Variants in CD274 observed in about 807,000 individuals in gnomAD.
The protein encoded by CD274 is CD274 molecule.
CD274 carries 8 observed loss-of-function variants against 30.1 expected under a neutral mutation model. The ratio of observed to expected loss-of-function variants is 0.27; its 90% CI spans 0.16 to 0.48. The LOEUF is 0.48. Ranked by LOEUF, CD274 falls within the 20% of genes least tolerant of loss-of-function variation. The probability of loss-of-function intolerance (pLI) is 0.99; values close to 1 mark genes in which losing one functional copy is unlikely to be tolerated. For missense variants in CD274, 353 were observed against 346.6 expected, an observed-to-expected ratio of 1.02 and a Z score of -0.15; for synonymous variants, 152 against 124.6, an observed-to-expected ratio of 1.22 and a Z score of -1.46.
intron 3 of CD274, among the ~76,000 whole-genome samples, chr9:5,461,414 G>T (rs75851586): frequency 0.089 from 13,566 of 152,124 alleles, 646 homozygotes; most frequent in Middle Eastern, 0.13. Flanking sequence ...TATTATTTTT[G>T]TGTTTTGAAA....
intron 4 of CD274, among the ~76,000 whole-genome samples, chr9:5,464,213 G>C (rs1225469634): frequency 1.3e-5 from 2 of 152,168 alleles, no homozygotes; most frequent in Middle Eastern, 3.4e-3. Flanking sequence ...TAGATTAGTG[G>C]GTTCCTGCCA....
chr9:5,456,272 A>C, intron 2 of CD274, 107 bp downstream of exon 2: 1 of 712,186 alleles, frequency 1.4e-6, no homozygotes, highest in South Asian at 1.7e-5. Flanking sequence ...TATAGAGAGA[A>C]CATTCTATTC....
Position 5,469,835 on chromosome 9 carries a change from A to T in CD274, c.*1973A>T. ...TCTAGTCCTAAAAAGCAATCTTATT[A>T]TTAACTCTGTATGACAGAATCATGT... On this transcript the variant is annotated 3_prime_UTR_variant, in exon 7 of 7. Transcript: ENST00000381577. 1 of 233,070 alleles carries T rather than the reference A, an allele frequency of 4.3e-6. No individual in the cohort carries two copies. The highest frequency in any genetic ancestry group is 8.5e-6 in the Non-Finnish European group (1 of 117,942). The allele number at this position is 233,070 out of a possible 1,614,324, so 14.4% of individuals were successfully genotyped here. A position where few individuals can be genotyped will look rare whatever the true frequency, so the allele number is the denominator to read the frequency against.
chr9:5,466,522 T>C (rs1310012126), intron 5 of CD274, among the ~76,000 whole-genome samples: 2 of 152,070 alleles, frequency 1.3e-5, no homozygotes, highest in Non-Finnish European at 2.9e-5. Context: ...TACCTCAGAA[T>C]TTGGTTCATC....
chr9:5,469,051 A>G lies in CD274; in HGVS notation c.*1189A>G, dbSNP rs1819544023. The G allele has an allele frequency of 4.3e-6, 1 of 233,054 alleles. No individual in the cohort carries two copies. The highest frequency in any genetic ancestry group is 8.5e-6 in the Non-Finnish European group (1 of 117,968). 14.4% of individuals were successfully genotyped at this position (233,054 alleles called of 1,614,324 possible). On this transcript the variant is annotated 3_prime_UTR_variant, in exon 7 of 7. Coordinates refer to ENST00000381577, the MANE Select transcript of CD274 (RefSeq NM_014143.4). ...GATGATGCGAGGGGAAAACCCGAGC[A>G]GTGTTGCCAAGAGGAGGAAATAGGC... is the stretch of plus-strand genomic sequence containing the variant.
intron 3 of CD274, among the ~76,000 whole-genome samples, chr9:5,461,956 A>G (rs1819411147): frequency 6.6e-6 from 1 of 152,174 alleles, no homozygotes; most frequent in African/African-American, 2.4e-5. Context: ...AACTGGAGGA[A>G]TGGAATAAAT....
intron 5 of CD274, 25 bp downstream of exon 5, chr9:5,465,631 T>A (rs1482315802): frequency 2.3e-6 from 3 of 1,311,922 alleles, no homozygotes; most frequent in Non-Finnish European, 3.3e-6. Flanking sequence ...ATTGCAGTGG[T>A]CTCCACTGGG....
At position 5,470,456 on chromosome 9, in the gene CD274, T is replaced by A. The variant is rs186306440; in HGVS notation, c.*2594T>A. ...TTGTCACTTTTTGTACCTGCATTAATTTAATAAAATATTCTTATTTATTTT... is the reference window on the plus strand; with the variant it reads ...TTGTCACTTTTTGTACCTGCATTAAATTAATAAAATATTCTTATTTATTTT... On this transcript the variant is annotated 3_prime_UTR_variant, in exon 7 of 7. Coordinates refer to ENST00000381577, the MANE Select transcript of CD274 (RefSeq NM_014143.4). 4.4e-6 allele frequency: 1 copy of A among 225,544 alleles called. No homozygotes were observed. Among genetic ancestry groups the A allele is most frequent in the Non-Finnish European group, 8.8e-6 (1 of 113,252 alleles). 14.0% of individuals were successfully genotyped at this position (225,544 alleles called of 1,614,324 possible).
intron 6 of CD274, among the ~76,000 whole-genome samples, 153 bp downstream of exon 6, chr9:5,466,982 G>A (rs941357750): frequency 5.9e-5 from 9 of 152,132 alleles, no homozygotes; most frequent in South Asian, 4.2e-4. Context: ...CTCCTCCACC[G>A]TCTGAGGAGG....
At chr9:5,465,018 C>T (rs1041063270) in intron 4 of CD274, among the ~76,000 whole-genome samples, 3 of 147,966 alleles carry the variant, frequency 2.0e-5, no homozygotes, top group Admixed American at 6.9e-5. Context: ...ACCTGGGAGG[C>T]GGAAGTTGCA....
At position 5,465,559 on chromosome 9, in the gene CD274, T is replaced by C. The variant is rs1819484130; in HGVS notation, c.743T>C (p.Leu248Ser). ...CACTTGGTAATTCTGGGAGCCATCT[T>C]ATTATGCCTTGGTGTAGCACTGACA... is the stretch of plus-strand genomic sequence containing the variant. ...RTHLVILGAI[L>S]LCLGVALTFI... Residue 248 changes from leucine (L) to serine (S), a missense_variant, in exon 5 of 7, where the codon TTA becomes TCA. Transcript: ENST00000381577. 3 of 1,611,598 alleles carry C rather than the reference T, an allele frequency of 1.9e-6. No individual in the cohort carries two copies. Among genetic ancestry groups the C allele is most frequent in the Non-Finnish European group, 8.5e-7 (1 of 1,177,738 alleles).
chr9:5,467,990 C>A lies in CD274; in HGVS notation c.*128C>A. Reference sequence around the variant, plus strand: ...TGCAGGCAATGTGGGACTTAAAAGGCCCAAGCACTGAAAATGGAACCTGGC... The same window carrying A: ...TGCAGGCAATGTGGGACTTAAAAGGACCAAGCACTGAAAATGGAACCTGGC... On this transcript the variant is annotated 3_prime_UTR_variant, in exon 7 of 7. Coordinates refer to ENST00000381577, the MANE Select transcript of CD274 (RefSeq NM_014143.4). 1.3e-6 allele frequency: 1 copy of A among 782,226 alleles called. No individual in the cohort carries two copies. The highest frequency in any genetic ancestry group is 2.2e-6 in the Non-Finnish European group (1 of 451,800). The allele number at this position is 782,226 out of a possible 1,614,324, so 48.5% of individuals were successfully genotyped here.
At position 5,468,627 on chromosome 9, in the gene CD274, T is replaced by C. The variant is rs973660052; in HGVS notation, c.*765T>C. The C allele has an allele frequency of 1.7e-5, 4 of 232,918 alleles. No individual in the cohort carries two copies. Among genetic ancestry groups the C allele is most frequent in the Admixed American group, 5.6e-5 (1 of 17,774 alleles). The allele number at this position is 232,918 out of a possible 1,614,324, so 14.4% of individuals were successfully genotyped here. A position where few individuals can be genotyped will look rare whatever the true frequency, so the allele number is the denominator to read the frequency against. ...ACCTCAAGTGTCTGTGCAGTATCTG[T>C]TCCATTTAAATATCAGCTTTACAAT... is the stretch of plus-strand genomic sequence containing the variant. On this transcript the variant is annotated 3_prime_UTR_variant, in exon 7 of 7. Transcript: ENST00000381577.
chr9:5,461,954 G>C (rs1480346119), intron 3 of CD274, among the ~76,000 whole-genome samples: 1 of 152,088 alleles, frequency 6.6e-6, no homozygotes, highest in Non-Finnish European at 1.5e-5. Flanking sequence ...AAAACTGGAG[G>C]AATGGAATAA....
intron 3 of CD274, among the ~76,000 whole-genome samples, chr9:5,459,425 G>A (rs1466551145): frequency 6.6e-6 from 1 of 152,138 alleles, no homozygotes. Flanking sequence ...GAGGCAGCTG[G>A]CTTGCAGGAG....
At chr9:5,454,766 C>G (rs1819270777) in intron 1 of CD274, among the ~76,000 whole-genome samples, 1 of 151,988 alleles carries the variant, frequency 6.6e-6, no homozygotes, top group African/African-American at 2.4e-5. Context: ...AAAAATCCTC[C>G]CATTAGTGGG....
intron 1 of CD274, among the ~76,000 whole-genome samples, chr9:5,451,305 A>G (rs1434386355): frequency 1.3e-5 from 2 of 152,290 alleles, no homozygotes; most frequent in African/African-American, 4.8e-5. Flanking sequence ...AAATGTTTTC[A>G]TTGCTGCATT....
chr9:5,458,904 C>A (rs1819353723), intron 3 of CD274, among the ~76,000 whole-genome samples: 1 of 152,128 alleles, frequency 6.6e-6, no homozygotes, highest in Admixed American at 6.5e-5. Context: ...CATGACTTAG[C>A]CTCATCAACA....
intron 6 of CD274, among the ~76,000 whole-genome samples, chr9:5,467,403 A>G (rs896166051): frequency 6.6e-6 from 1 of 152,214 alleles, no homozygotes; most frequent in African/African-American, 2.4e-5. Context: ...AAATGTTTAC[A>G]TTTATAAGCA....
Sources: allele counts gnomAD v4.1 joint callset (sites outside exome capture counted in the v4.1 genomes callset), GRCh38; gene constraint gnomAD v4.1.1; transcripts MANE v1.5; gene names NCBI Gene and HGNC (gene_info 2026-07-23, HGNC 2026-07-21).